Variants in CNTN5 observed in about 807,000 individuals in gnomAD.
CNTN5 encodes contactin 5.
Under a neutral mutation model 129.1 loss-of-function variants are expected in CNTN5, and 77 were observed. That is an observed-to-expected ratio of 0.60 (90% CI 0.50 to 0.72). The LOEUF is 0.72. CNTN5 is among the 30% of genes least tolerant of loss of function. The pLI is 0.00. For missense variants in CNTN5, 1,478 were observed against 1,328.8 expected, an observed-to-expected ratio of 1.11 and a Z score of -1.75; for synonymous variants, 509 against 465.6, an observed-to-expected ratio of 1.09 and a Z score of -1.20.
At chr11:99,100,589 G>T (rs1866682295) in intron 1 of CNTN5, among the ~76,000 whole-genome samples, 1 of 152,094 alleles carries the variant, frequency 6.6e-6, no homozygotes, top group South Asian at 2.1e-4. Flanking sequence ...CTTTAACAAG[G>T]TCTTAGGGGC....
chr11:99,842,417 A>T (rs957825477), intron 4 of CNTN5, among the ~76,000 whole-genome samples: 1 of 152,202 alleles, frequency 6.6e-6, no homozygotes, highest in Non-Finnish European at 1.5e-5. Context: ...TGCAAATGTT[A>T]ATAACAACTG....
intron 1 of CNTN5, among the ~76,000 whole-genome samples, chr11:99,099,859 A>G (rs1282003102): frequency 1.3e-5 from 2 of 152,150 alleles, no homozygotes; most frequent in East Asian, 3.8e-4. Flanking sequence ...TGCTGCTATT[A>G]TTTCTGTATT....
At chr11:99,689,530 G>GAAAAAAAAAA (rs368912453) in intron 3 of CNTN5, among the ~76,000 whole-genome samples, 6 of 92,886 alleles carry the variant, frequency 6.5e-5, no homozygotes, top group South Asian at 4.7e-4. Flanking sequence ...CCTCAAAAAA[G>GAAAAAAAAAA]AAAAAAAAAA....
intron 13 of CNTN5, among the ~76,000 whole-genome samples, chr11:100,184,757 A>G (rs752759926): frequency 2.6e-5 from 4 of 152,152 alleles, no homozygotes; most frequent in Non-Finnish European, 4.4e-5. Flanking sequence ...TTACTTTTCT[A>G]TTTTCTAAAG....
At chr11:99,280,948 A>G (rs563542550) in intron 1 of CNTN5, among the ~76,000 whole-genome samples, 33 of 151,090 alleles carry the variant, frequency 2.2e-4, no homozygotes, top group African/African-American at 8.0e-4. Flanking sequence ...CAAGGAAATA[A>G]AAAGAGACTT....
chr11:100,038,719 G>T (rs1015628648), intron 9 of CNTN5, among the ~76,000 whole-genome samples: 3 of 152,000 alleles, frequency 2.0e-5, no homozygotes, highest in Admixed American at 1.3e-4. Context: ...TTACCATTAT[G>T]TAATGGCCTT....
intron 3 of CNTN5, among the ~76,000 whole-genome samples, chr11:99,698,272 A>T (rs1591495354): frequency 2.9e-5 from 1 of 34,498 alleles, no homozygotes; most frequent in East Asian, 5.4e-4. Context: ...GTTTAACAGA[A>T]AAATAAAGAT....
At chr11:99,387,994 C>T (rs1327351257) in intron 2 of CNTN5, among the ~76,000 whole-genome samples, 1 of 152,124 alleles carries the variant, frequency 6.6e-6, no homozygotes, top group African/African-American at 2.4e-5. Context: ...TTCCAGTGTG[C>T]AGCCAGAATT....
rs1227683927 is a variant in CNTN5, at chr11:99,999,310, G to GA, written c.878-2717dup. On this transcript the variant is annotated intron_variant, in intron 8 of 24. Coordinates refer to ENST00000524871, the MANE Select transcript of CNTN5 (RefSeq NM_014361.4). ...ACAATGAACTCCAACAAATTTACAA[G>GA]AAAAAAACAAAGAACCCCATCAAAA... Among the ~76,000 whole-genome samples, 3 of 152,016 alleles carry GA rather than the reference G, an allele frequency of 2.0e-5. No individual in the cohort carries two copies. The South Asian group carries it at 6.2e-4, about 32-fold the overall frequency.
At chr11:99,106,037 CT>C (rs1415296168) in intron 1 of CNTN5, among the ~76,000 whole-genome samples, 1 of 152,048 alleles carries the variant, frequency 6.6e-6, no homozygotes, top group Non-Finnish European at 1.5e-5. Flanking sequence ...TATCTGCAAA[CT>C]TCATGGTCTA....
At chr11:99,940,293 GCTCTTTA>G (rs1950406490) in intron 7 of CNTN5, among the ~76,000 whole-genome samples, 1 of 152,112 alleles carries the variant, frequency 6.6e-6, no homozygotes, top group Non-Finnish European at 1.5e-5. Flanking sequence ...TGTAATTTGT[GCTCTTTA>G]GCTTTTAGAT....
intron 1 of CNTN5, among the ~76,000 whole-genome samples, chr11:99,095,685 A>G (rs1314788293): frequency 6.6e-6 from 1 of 151,864 alleles, no homozygotes; most frequent in Non-Finnish European, 1.5e-5. Flanking sequence ...TTATATGCAT[A>G]TTTGGATTGT....
At chr11:99,989,539 C>T (rs1178031956) in intron 8 of CNTN5, among the ~76,000 whole-genome samples, 1 of 151,834 alleles carries the variant, frequency 6.6e-6, no homozygotes, top group Non-Finnish European at 1.5e-5. Context: ...TTCACCAAGT[C>T]AAATTAACCT....
chr11:99,720,804 T>TA (rs962148126), intron 3 of CNTN5, among the ~76,000 whole-genome samples: 1 of 152,076 alleles, frequency 6.6e-6, no homozygotes, highest in Non-Finnish European at 1.5e-5. Context: ...AGTTGCAAGA[T>TA]AAAAAATGAA....
At chr11:99,761,553 A>G (rs1944583292) in intron 3 of CNTN5, among the ~76,000 whole-genome samples, 2 of 151,758 alleles carry the variant, frequency 1.3e-5, no homozygotes, top group Admixed American at 6.6e-5. Flanking sequence ...ACTGAGAATG[A>G]TGATTTCCAA....
At chr11:100,214,899 A>C (rs4636630) in intron 15 of CNTN5, among the ~76,000 whole-genome samples, 123,225 of 152,160 alleles carry the variant, frequency 0.81, 49,958 homozygotes, top group East Asian at 0.9. Flanking sequence ...TGGCTTGAAT[A>C]TGCTTCACAG....
At chr11:99,760,937 AG>A (rs1305879274) in intron 3 of CNTN5, among the ~76,000 whole-genome samples, 3 of 152,160 alleles carry the variant, frequency 2.0e-5, no homozygotes, top group Admixed American at 6.6e-5. Flanking sequence ...AATTTTCAAA[AG>A]AAAAAAACGT....
In CNTN5 at chr11:99,678,254, A is replaced by G. The variant is rs184597494; in HGVS notation, c.55+121985A>G. 1.2e-3 allele frequency among the ~76,000 whole-genome samples: 183 copies of G among 152,230 alleles called. 1 individual carries two copies. In the South Asian group the frequency reaches 0.018, roughly 15 times the overall value. ...TTAACTACCTGGTTAAGTAGCAAGT[A>G]AGTTTTTTATAAAAGAAAAGAGAAG... On this transcript the variant is annotated intron_variant, in intron 3 of 24. Transcript: ENST00000524871.
chr11:99,287,955 A>T (rs2135910396), intron 1 of CNTN5, among the ~76,000 whole-genome samples: 1 of 152,120 alleles, frequency 6.6e-6, no homozygotes, highest in East Asian at 1.9e-4. Flanking sequence ...TGCGACAATC[A>T]AATGCTCTTC....
Sources: gnomAD v4.1 joint callset for allele counts (sites outside exome capture counted in the v4.1 genomes callset) on GRCh38, gnomAD v4.1.1 for gene constraint, MANE v1.5 for transcripts, NCBI Gene and HGNC (gene_info 2026-07-23, HGNC 2026-07-21) for gene names.